The following OBI1 variants were observed in gnomAD, a reference collection of about 807,000 sequenced individuals.
OBI1 encodes the protein ORC ubiquitin ligase 1.
In OBI1, 59 loss-of-function variants were observed where a neutral mutation model predicts 62.4. The ratio of observed to expected loss-of-function variants is 0.95; its 90% CI spans 0.77 to 1.17. The LOEUF (loss-of-function observed/expected upper bound fraction) is 1.17, where lower values mean the gene tolerates loss of function less well. Among genes scored for constraint, OBI1 ranks in the 50% most tolerant of loss-of-function variants. The pLI, the probability that OBI1 is intolerant of heterozygous loss-of-function variation, is 0.00. For missense variants in OBI1, 875 were observed against 830.9 expected (o/e 1.05, Z -0.65); for synonymous variants, 302 against 292.8 (o/e 1.03, Z -0.32).
At chr13:78,625,156 G>A (rs1400113335) in intron 5 of OBI1, among the ~76,000 whole-genome samples, 1 of 152,162 alleles carries the variant, frequency 6.6e-6, no homozygotes, top group East Asian at 1.9e-4. Flanking sequence ...ATCTGTCATG[G>A]AAAGGAGAGA....
chr13:78,639,424 G>C (rs1876134897), intron 3 of OBI1, among the ~76,000 whole-genome samples: 2 of 152,226 alleles, frequency 1.3e-5, no homozygotes, highest in Middle Eastern at 3.4e-3. Flanking sequence ...CATCGTGGAA[G>C]TCAGTGTGGC....
At chr13:78,632,807 T>C (rs983771891) in intron 5 of OBI1, among the ~76,000 whole-genome samples, 3 of 152,190 alleles carry the variant, frequency 2.0e-5, no homozygotes, top group Non-Finnish European at 4.4e-5. Flanking sequence ...CCTCAATGCA[T>C]TGCAAATTGA....
At chr13:78,631,095 T>A (rs189060746) in intron 5 of OBI1, among the ~76,000 whole-genome samples, 1 of 152,250 alleles carries the variant, frequency 6.6e-6, no homozygotes, top group East Asian at 1.9e-4. Context: ...AACCTAGTCA[T>A]TTTTCCTATT....
At position 78,642,153 on chromosome 13, in the gene OBI1, GT is replaced by G. The variant is rs1566283855; in HGVS notation, c.268del (p.Thr90LeufsTer14). On this transcript the variant is annotated frameshift_variant, in exon 3 of 6. Coordinates refer to ENST00000282003, the MANE Select transcript of OBI1 (RefSeq NM_024546.4). LOFTEE classifies it high-confidence loss of function. The stretch of plus-strand genomic sequence containing the variant: ...TTCTTTGTGTAGTAATTCAAGTCTA[GT>G]TTTCCGAAGATGCTTCCTGACCGTA... ...SHTVRKHLRK[T>X]RLELLHKEYE... 1.9e-6 allele frequency: 3 copies of G among 1,607,856 alleles called. 1 individual carries two copies. In the African/African-American group the frequency reaches 4.0e-5, roughly 22 times the overall value.
intron 2 of OBI1, among the ~76,000 whole-genome samples, chr13:78,643,139 T>C (rs1031180987): frequency 1.3e-5 from 2 of 152,184 alleles, no homozygotes; most frequent in Non-Finnish European, 1.5e-5. Flanking sequence ...GGATGTTCTA[T>C]CCAAATGCAA....
At chr13:78,645,331 G>A (rs932846725) in intron 1 of OBI1, among the ~76,000 whole-genome samples, 44 of 152,108 alleles carry the variant, frequency 2.9e-4, no homozygotes, top group African/African-American at 1.0e-3. Context: ...TTCTATTTTA[G>A]CATTATAGAA....
chr13:78,642,238 T>C (rs764850976), intron 2 of OBI1, 25 bp from the exon 3 acceptor site: 1 of 1,291,944 alleles, frequency 7.7e-7, no homozygotes, highest in Non-Finnish European at 1.1e-6. Flanking sequence ...AAAAAAATCC[T>C]AATTTTTCAT....
At chr13:78,625,809 G>GA (rs376786225) in intron 5 of OBI1, among the ~76,000 whole-genome samples, 46 of 152,260 alleles carry the variant, frequency 3.0e-4, no homozygotes, top group African/African-American at 1.0e-3. Flanking sequence ...AGGCATAGCA[G>GA]AATCAGTCAT....
Position 78,616,935 on chromosome 13 carries a change from A to T in OBI1, c.826T>A (p.Ser276Thr). Residue 276 changes from serine to threonine, a missense_variant, in exon 6 of 6, where the codon TCT (serine) becomes ACT (threonine). Physicochemically the swap from Ser to Thr is moderately conservative, Grantham distance 58. Coordinates refer to ENST00000282003, the MANE Select transcript of OBI1 (RefSeq NM_024546.4). ...CCTTTGCTCCCTTTGCCATCTGCAG[A>T]AAGTGCTGTCTGGCAAATGGAATTC... is the stretch of plus-strand genomic sequence containing the variant. ...AMNSICQTALSADGKGSKGSE... is the reference protein window; with the variant it reads ...AMNSICQTALTADGKGSKGSE... The T allele has an allele frequency of 6.2e-7, 1 of 1,614,146 alleles. No individual in the cohort carries two copies. The highest frequency in any genetic ancestry group is 8.5e-7 in the Non-Finnish European group (1 of 1,180,010).
chr13:78,634,120 A>G (rs1875948640), intron 5 of OBI1, among the ~76,000 whole-genome samples: 1 of 151,240 alleles, frequency 6.6e-6, no homozygotes, highest in Admixed American at 6.6e-5. Flanking sequence ...AAAACAAACA[A>G]CAAAAAAAAA....
intron 1 of OBI1, among the ~76,000 whole-genome samples, chr13:78,646,228 A>C (rs1440731078): frequency 6.6e-6 from 1 of 152,286 alleles, no homozygotes; most frequent in East Asian, 1.9e-4. Flanking sequence ...TCGTGTTTAC[A>C]TATTTATTGT....
At chr13:78,632,664 A>G (rs1307129592) in intron 5 of OBI1, among the ~76,000 whole-genome samples, 4 of 152,192 alleles carry the variant, frequency 2.6e-5, no homozygotes, top group Admixed American at 2.6e-4. Context: ...ATTCTTTTCC[A>G]TACAAATAGG....
chr13:78,657,813 T>C (rs1264388145), intron 1 of OBI1, among the ~76,000 whole-genome samples: 1 of 152,204 alleles, frequency 6.6e-6, no homozygotes, highest in East Asian at 1.9e-4. Flanking sequence ...ATGTAGACTG[T>C]GGCAAATAGA....
At chr13:78,639,286 C>T (rs939629877) in intron 3 of OBI1, among the ~76,000 whole-genome samples, 7 of 152,270 alleles carry the variant, frequency 4.6e-5, no homozygotes, top group Middle Eastern at 3.4e-3. Flanking sequence ...TTTATGTTGC[C>T]TTCATTTTAA....
chr13:78,651,939 A>T (rs1876557449), intron 1 of OBI1, among the ~76,000 whole-genome samples: 1 of 152,220 alleles, frequency 6.6e-6, no homozygotes, highest in Non-Finnish European at 1.5e-5. Context: ...GCAAAAGGTC[A>T]ACAGCCACTG....
intron 5 of OBI1, among the ~76,000 whole-genome samples, chr13:78,633,537 G>A (rs1004622797): frequency 1.3e-5 from 2 of 152,160 alleles, no homozygotes; most frequent in Non-Finnish European, 2.9e-5. Flanking sequence ...GTGGTTGGAT[G>A]GGAAGAAAGT....
At position 78,630,195 on chromosome 13, in the gene OBI1, T is replaced by C. The variant is rs17070055; in HGVS notation, c.638+4915A>G. 8.0e-3 allele frequency among the ~76,000 whole-genome samples: 1,212 copies of C among 152,256 alleles called. 67 individuals are homozygous for C. The East Asian group carries it at 0.13, about 16-fold the overall frequency. On this transcript the variant is annotated intron_variant, in intron 5 of 5. Transcript: ENST00000282003. ...TTTGGCTTAGTATCTGTTAAGCATT[T>C]GTTTCATATATTTTCATGTCATGCC...
At position 78,616,952 on chromosome 13, in the gene OBI1, A is replaced by G; in HGVS notation, c.809T>C (p.Ile270Thr). Reference sequence around the variant, plus strand: ...ATCTGCAGAAAGTGCTGTCTGGCAAATGGAATTCATAGCTTCTTTCTCTTC... The same window carrying G: ...ATCTGCAGAAAGTGCTGTCTGGCAAGTGGAATTCATAGCTTCTTTCTCTTC... ...SSEEKEAMNS[I>T]CQTALSADGK... Residue 270 changes from isoleucine (I) to threonine (T), a missense_variant, in exon 6 of 6, where the codon ATT becomes ACT. Ile to Thr is a moderately conservative substitution (Grantham distance 89, BLOSUM62 -1). Coordinates refer to ENST00000282003, the MANE Select transcript of OBI1 (RefSeq NM_024546.4). 1.9e-6 allele frequency: 3 copies of G among 1,614,160 alleles called. No individual in the cohort carries two copies. Among genetic ancestry groups the G allele is most frequent in the Non-Finnish European group, 2.5e-6 (3 of 1,180,024 alleles).
rs1330934014 is a variant in OBI1 at position 78,616,773 on chromosome 13, T to G, written c.988A>C (p.Ser330Arg). 1 of 1,614,242 alleles carries G rather than the reference T, an allele frequency of 6.2e-7. No homozygotes were observed. The highest frequency in any genetic ancestry group is 1.7e-5 in the Admixed American group (1 of 60,030). ...LCDTSSARQE[S>R]TSKADLNCSK... Reference sequence around the variant, plus strand: ...CAGTTAAGGTCTGCTTTGCTGGTACTTTCCTGCCTTGCAGAACTGGTGTCA... The same window carrying G: ...CAGTTAAGGTCTGCTTTGCTGGTACGTTCCTGCCTTGCAGAACTGGTGTCA... Residue 330 changes from serine (S) to arginine (R), a missense_variant, in exon 6 of 6, where the codon AGT (serine) becomes CGT (arginine). Coordinates refer to ENST00000282003, the MANE Select transcript of OBI1 (RefSeq NM_024546.4).
Sources: gnomAD v4.1 joint callset for allele counts (sites outside exome capture counted in the v4.1 genomes callset) on GRCh38, gnomAD v4.1.1 for gene constraint, MANE v1.5 for transcripts, NCBI Gene and HGNC (gene_info 2026-07-23, HGNC 2026-07-21) for gene names.